Variants in ACACA observed in about 807,000 individuals in gnomAD.
The protein encoded by ACACA is acetyl-CoA carboxylase alpha, also known as acetyl-CoA carboxylase 1.
In ACACA, 103 loss-of-function variants were observed where a neutral mutation model predicts 296.1. That is an observed-to-expected ratio of 0.35 (90% CI 0.30 to 0.41). The LOEUF (loss-of-function observed/expected upper bound fraction) is 0.41, where lower values mean the gene tolerates loss of function less well. Among genes scored for constraint, ACACA ranks in the 10% least tolerant of loss-of-function variants. The pLI is 1.00. For synonymous variants in ACACA, 953 were observed against 1,038.6 expected, an observed-to-expected ratio of 0.92 and a Z score of 1.58; for missense variants, 1,554 against 2,989.7, an observed-to-expected ratio of 0.52 and a Z score of 11.20.
intron 20 of ACACA, 30 bp downstream of exon 20, chr17:37,245,046 TAGAG>T (rs1567873853): frequency 6.2e-7 from 1 of 1,614,100 alleles, no homozygotes; most frequent in Non-Finnish European, 8.5e-7. Context: ...CTTTAGCTCT[TAGAG>T]AGCAATATTC....
chr17:37,253,066 C>A (rs1302885957), intron 14 of ACACA, 30 bp from the exon 15 acceptor site: 1 of 1,614,138 alleles, frequency 6.2e-7, no homozygotes, highest in African/African-American at 1.3e-5. Context: ...TCTGTTTCAG[C>A]AACAAACACT....
chr17:37,395,086 A>G (rs1035580052), intron 1 of ACACA, among the ~76,000 whole-genome samples: 3 of 152,056 alleles, frequency 2.0e-5, no homozygotes, highest in Non-Finnish European at 4.4e-5. Context: ...ATATATACAC[A>G]TATAATAAAA....
intron 19 of ACACA, 103 bp from the exon 20 acceptor site, chr17:37,245,317 T>C (rs775550690): frequency 8.5e-7 from 1 of 1,176,556 alleles, no homozygotes; most frequent in Non-Finnish European, 1.2e-6. Flanking sequence ...GGACCACACC[T>C]AATTTGACCA....
intron 39 of ACACA, among the ~76,000 whole-genome samples, chr17:37,184,386 T>C (rs34820331): frequency 0.093 from 14,153 of 152,248 alleles, 1,026 homozygotes; most frequent in African/African-American, 0.21. Context: ...TGTCAAGATA[T>C]TGCCTGCCCT....
At chr17:37,099,590 A>AGGGCTGATGGCAGGAGGGCTGATGGCG (rs2073226981) in intron 52 of ACACA, among the ~76,000 whole-genome samples, 1 of 81,322 alleles carries the variant, frequency 1.2e-5, no homozygotes, top group African/African-American at 6.6e-5. Flanking sequence ...GGCTGATGGC[A>AGGGCTGATGGCAGGAGGGCTGATGGCG]GGAGGGCTGA....
intron 3 of ACACA, among the ~76,000 whole-genome samples, chr17:37,300,581 C>T (rs1405374749): frequency 6.6e-6 from 1 of 152,028 alleles, no homozygotes; most frequent in Admixed American, 6.6e-5. Context: ...CCAGAAAAAC[C>T]TTCAAAAACA....
intron 27 of ACACA, among the ~76,000 whole-genome samples, chr17:37,224,243 A>G (rs1291333387): frequency 6.6e-6 from 1 of 152,148 alleles, no homozygotes; most frequent in Non-Finnish European, 1.5e-5. Context: ...ATACTCCACT[A>G]TGGTAAACCC....
intron 1 of ACACA, among the ~76,000 whole-genome samples, chr17:37,390,325 T>C (rs1318000970): frequency 1.4e-5 from 1 of 71,118 alleles, no homozygotes; most frequent in Non-Finnish European, 2.3e-5. Context: ...TATATATATA[T>C]ATATATATAA....
intron 50 of ACACA, among the ~76,000 whole-genome samples, chr17:37,116,165 G>C (rs1314800294): frequency 6.6e-6 from 1 of 151,618 alleles, no homozygotes; most frequent in South Asian, 2.1e-4. Context: ...GCTAATTTTT[G>C]TATTTTTTGT....
chr17:37,326,455 C>T (rs1486666263), intron 3 of ACACA, among the ~76,000 whole-genome samples: 4 of 150,378 alleles, frequency 2.7e-5, no homozygotes, highest in Admixed American at 6.6e-5. Context: ...CTCTTGAACC[C>T]GGGAGGCAGA....
intron 2 of ACACA, among the ~76,000 whole-genome samples, chr17:37,334,466 G>A (rs188261866): frequency 6.6e-6 from 1 of 152,154 alleles, no homozygotes; most frequent in Non-Finnish European, 1.5e-5. Flanking sequence ...AAACTACCCA[G>A]CCATTTTATC....
In ACACA at chr17:37,181,373, T is replaced by C. The variant is rs2077309553; in HGVS notation, c.4777-17A>G. ...AAACATGATCTGCAGGAAAAAAAAA[T>C]GGCATGGGGAGTTAAGAGACAGAAA... On this transcript the variant is annotated splice_polypyrimidine_tract_variant and intron_variant, in intron 39 of 55. Transcript: ENST00000616317. 6.2e-7 allele frequency: 1 copy of C among 1,612,838 alleles called. No individual in the cohort carries two copies. The highest frequency in any genetic ancestry group is 1.3e-5 in the African/African-American group (1 of 74,384).
chr17:37,102,760 G>C (rs375572285), intron 52 of ACACA, among the ~76,000 whole-genome samples: 1 of 152,250 alleles, frequency 6.6e-6, no homozygotes, highest in East Asian at 1.9e-4. Flanking sequence ...CGCCAAGTTG[G>C]AAGGACGGAG....
chr17:37,161,602 G>T, intron 42 of ACACA, 179 bp downstream of exon 42: 1 of 724,788 alleles, frequency 1.4e-6, no homozygotes, highest in Non-Finnish European at 2.2e-6. Context: ...TGAACATATT[G>T]AGAAATAATT....
chr17:37,173,285 G>T (rs2144695427), intron 41 of ACACA, among the ~76,000 whole-genome samples: 1 of 152,228 alleles, frequency 6.6e-6, no homozygotes, highest in East Asian at 1.9e-4. Context: ...ATTCCTTTGA[G>T]GGTATGGAAA....
chr17:37,320,803 C>T (rs1414370708), intron 3 of ACACA, among the ~76,000 whole-genome samples: 1 of 151,612 alleles, frequency 6.6e-6, no homozygotes, highest in Non-Finnish European at 1.5e-5. Context: ...GAAAATTAGC[C>T]AGGCATGATG....
rs2078482929 is a variant in ACACA at position 37,206,010 on chromosome 17, G to A, written c.3949-138C>T. ...TTTTGGTTTGCCCAGCAGTAGGAAT[G>A]AGCAAATTGAAACCACTGCCCAATA... On this transcript the variant is annotated intron_variant, in intron 32 of 55. Transcript: ENST00000616317. The A allele has an allele frequency of 4.1e-6, 3 of 728,962 alleles. No homozygotes were observed. The South Asian group carries it at 4.5e-5, about 11-fold the overall frequency. The allele number at this position is 728,962 out of a possible 1,614,324, so 45.2% of individuals were successfully genotyped here. A position where few individuals can be genotyped will look rare whatever the true frequency, so the allele number is the denominator to read the frequency against.
At position 37,113,790 on chromosome 17, in the gene ACACA, C is replaced by G. The variant is rs1197786714; in HGVS notation, c.6275-525G>C. 6.6e-6 allele frequency among the ~76,000 whole-genome samples: 1 copy of G among 152,092 alleles called. No homozygotes were observed. Among genetic ancestry groups the G allele is most frequent in the African/African-American group, 2.4e-5 (1 of 41,406 alleles). ...CATCTTGGTATCCCGATATCCCTGC[C>G]CAGTGCCTGAACATAGTTAGTGCTC... On this transcript the variant is annotated intron_variant, in intron 50 of 55. Transcript: ENST00000616317. This position sits in a 1 kb window ranked among gnomAD's most constrained non-coding sequence, Gnocchi z 4.0.
chr17:37,252,130 C>G lies in ACACA; in HGVS notation c.1978-22G>C, dbSNP rs2146106998. The G allele has an allele frequency of 2.5e-6, 4 of 1,593,502 alleles. No homozygotes were observed. In the East Asian group the frequency reaches 8.9e-5, roughly 36 times the overall value. ...CAGCCTGAAAGGAGGAAAAAGAGGGCAGATCAAATGCATGGTCACTTGGCA... is the reference window on the plus strand; with the variant it reads ...CAGCCTGAAAGGAGGAAAAAGAGGGGAGATCAAATGCATGGTCACTTGGCA... On this transcript the variant is annotated intron_variant, in intron 15 of 55. Coordinates refer to ENST00000616317, the MANE Select transcript of ACACA (RefSeq NM_198834.3).
Sources: gnomAD v4.1 joint callset for allele counts (sites outside exome capture counted in the v4.1 genomes callset) on GRCh38, gnomAD v4.1.1 for gene constraint, Gnocchi (gnomAD v3.1) non-coding constraint, MANE v1.5 for transcripts, NCBI Gene and HGNC (gene_info 2026-07-23, HGNC 2026-07-21) for gene names.